The following IKZF1 variants were observed in gnomAD, a reference collection of about 807,000 sequenced individuals.
IKZF1 encodes the protein DNA-binding protein Ikaros.
Under a neutral mutation model 51.7 loss-of-function variants are expected in IKZF1, and 10 were observed. That is an observed-to-expected ratio of 0.19 (90% confidence interval 0.12 to 0.33). The LOEUF (loss-of-function observed/expected upper bound fraction) is 0.33. Among genes scored for constraint, IKZF1 ranks in the 10% least tolerant of loss-of-function variants. The probability of loss-of-function intolerance (pLI) is 1.00; values close to 1 mark genes in which losing one functional copy is unlikely to be tolerated. For synonymous variants in IKZF1, 280 were observed against 282.3 expected, an observed-to-expected ratio of 0.99 and a Z score of 0.08; for missense variants, 484 against 707.5, an observed-to-expected ratio of 0.68 and a Z score of 3.58.
intron 1 of IKZF1, among the ~76,000 whole-genome samples, chr7:50,316,317 A>G (rs1354867549): frequency 1.1e-4 from 16 of 152,244 alleles, no homozygotes; most frequent in Non-Finnish European, 2.9e-5. Context: ...AACTGCACTC[A>G]TAAGCCCATG....
chr7:50,388,099 C>G (rs1813955889), intron 6 of IKZF1, among the ~76,000 whole-genome samples: 1 of 152,064 alleles, frequency 6.6e-6, no homozygotes. Flanking sequence ...GACCCCAGAG[C>G]CTGTAGAATA....
intron 3 of IKZF1, among the ~76,000 whole-genome samples, chr7:50,359,837 C>T (rs76215967): frequency 0.022 from 3,357 of 152,292 alleles, 66 homozygotes; most frequent in East Asian, 0.066. Context: ...AGCTTGAGCT[C>T]ATGCCTGAGA....
At chr7:50,318,034 G>T (rs1318647406) in intron 1 of IKZF1, among the ~76,000 whole-genome samples, 1 of 152,226 alleles carries the variant, frequency 6.6e-6, no homozygotes, top group Non-Finnish European at 1.5e-5. Context: ...ATATACCAGA[G>T]CATAAATGAG....
At chr7:50,346,259 AG>A (rs1162291930) in intron 3 of IKZF1, among the ~76,000 whole-genome samples, 1 of 152,226 alleles carries the variant, frequency 6.6e-6, no homozygotes, top group Non-Finnish European at 1.5e-5. Context: ...CCAGTGCATA[AG>A]TTCTTCCTAA....
chr7:50,369,229 T>A (rs1391978473), intron 3 of IKZF1: 1 of 319,902 alleles, frequency 3.1e-6, no homozygotes, highest in Non-Finnish European at 5.7e-6. Context: ...ATTTGAAGAA[T>A]CATATTGTTG....
chr7:50,393,769 C>T (rs1159331321), intron 7 of IKZF1: 1 of 232,774 alleles, frequency 4.3e-6, no homozygotes, highest in Non-Finnish European at 8.5e-6. Flanking sequence ...TCCTGAGCAG[C>T]CAGCATCTGC....
At chr7:50,322,160 A>G (rs1249359770) in intron 2 of IKZF1, among the ~76,000 whole-genome samples, 1 of 151,932 alleles carries the variant, frequency 6.6e-6, no homozygotes, top group African/African-American at 2.4e-5. Flanking sequence ...TTTCATTTCT[A>G]AAGTTGGAAG....
chr7:50,347,977 C>T (rs891141609), intron 3 of IKZF1, among the ~76,000 whole-genome samples: 2 of 152,172 alleles, frequency 1.3e-5, no homozygotes, highest in South Asian at 2.1e-4. Context: ...CCAGGGAGGC[C>T]CACTTTGCAA....
At chr7:50,346,251 A>T (rs773557113) in intron 3 of IKZF1, among the ~76,000 whole-genome samples, 17 of 152,250 alleles carry the variant, frequency 1.1e-4, no homozygotes, top group Admixed American at 5.9e-4. Context: ...ATCAGGCCCC[A>T]GTGCATAAGT....
At chr7:50,348,155 A>G (rs781407113) in intron 3 of IKZF1, among the ~76,000 whole-genome samples, 10 of 152,306 alleles carry the variant, frequency 6.6e-5, no homozygotes, top group Non-Finnish European at 1.2e-4. Flanking sequence ...TTTTGAGAGA[A>G]ATCTCCTTTG....
At chr7:50,333,352 A>T in intron 3 of IKZF1, among the ~76,000 whole-genome samples, 1 of 149,310 alleles carries the variant, frequency 6.7e-6, no homozygotes, top group Non-Finnish European at 1.5e-5. Context: ...GGGTAGACAA[A>T]TGGTGGTAAC....
chr7:50,343,323 G>A (rs1799554436), intron 3 of IKZF1, among the ~76,000 whole-genome samples: 1 of 148,708 alleles, frequency 6.7e-6, no homozygotes. Context: ...TTTGATCATG[G>A]GTACCATTTC....
intron 3 of IKZF1, among the ~76,000 whole-genome samples, chr7:50,343,757 C>T (rs1012121185): frequency 1.3e-5 from 2 of 152,208 alleles, no homozygotes; most frequent in South Asian, 2.1e-4. Flanking sequence ...GAAGACCTAA[C>T]GTTGAGAATC....
chr7:50,332,561 G>A (rs1031535366), intron 3 of IKZF1, among the ~76,000 whole-genome samples: 1 of 152,144 alleles, frequency 6.6e-6, no homozygotes, highest in African/African-American at 2.4e-5. Context: ...CTGAGAAAGA[G>A]GACAAGCAAA....
chr7:50,394,200 C>T (rs1816031060), intron 7 of IKZF1: 2 of 232,912 alleles, frequency 8.6e-6, no homozygotes, highest in South Asian at 1.8e-4. Context: ...GCAAAAGACT[C>T]ACAAGCAGCT....
At chr7:50,335,740 T>TGTGTATGTGTGTATGGGATGTGTG (rs1797609823) in intron 3 of IKZF1, among the ~76,000 whole-genome samples, 1 of 151,574 alleles carries the variant, frequency 6.6e-6, no homozygotes, top group African/African-American at 2.4e-5. Flanking sequence ...GGATGTGTGG[T>TGTGTATGTGTGTATGGGATGTGTG]GTGTATGTGT....
intron 1 of IKZF1, among the ~76,000 whole-genome samples, chr7:50,308,358 T>A (rs1274675526): frequency 6.6e-6 from 1 of 152,182 alleles, no homozygotes; most frequent in African/African-American, 2.4e-5. Flanking sequence ...TTGACTATAA[T>A]AAATAGGTAG....
At chr7:50,349,376 G>A (rs1384620105) in intron 3 of IKZF1, among the ~76,000 whole-genome samples, 1 of 152,200 alleles carries the variant, frequency 6.6e-6, no homozygotes, top group Non-Finnish European at 1.5e-5. Flanking sequence ...TATAAAATAA[G>A]CAAGGAGAGA....
At chr7:50,318,537 A>G (rs368794097) in intron 1 of IKZF1, 5 of 224,130 alleles carry the variant, frequency 2.2e-5, no homozygotes, top group Middle Eastern at 1.3e-3. Context: ...GAGGTAGTGC[A>G]GTTGCTGCTC....
Sources: gnomAD v4.1 joint callset for allele counts (sites outside exome capture counted in the v4.1 genomes callset) on GRCh38, gnomAD v4.1.1 for gene constraint, MANE v1.5 for transcripts, NCBI Gene and HGNC (gene_info 2026-07-23, HGNC 2026-07-21) for gene names.